The following EYS variants were observed in gnomAD, a reference collection of about 807,000 sequenced individuals.
EYS encodes the protein EGF-like photoreceptor maintenance factor, also known as protein eyes shut homolog.
In EYS, 250 loss-of-function variants were observed where a neutral mutation model predicts 282.1. That is an observed-to-expected ratio of 0.89 (90% confidence interval 0.80 to 0.98). EYS has a LOEUF of 0.98. Ranked by LOEUF, EYS falls within the 50% of genes least tolerant of loss-of-function variation. The pLI, the probability that EYS is intolerant of heterozygous loss-of-function variation, is 0.00. For synonymous variants in EYS, 1,355 were observed against 1,282.9 expected, an observed-to-expected ratio of 1.06 and a Z score of -1.20; for missense variants, 4,016 against 3,709.0, an observed-to-expected ratio of 1.08 and a Z score of -2.15.
chr6:63,849,513 T>G (rs1313381416), intron 36 of EYS, among the ~76,000 whole-genome samples: 1 of 152,168 alleles, frequency 6.6e-6, no homozygotes, highest in Non-Finnish European at 1.5e-5. Flanking sequence ...CAGACTCCAC[T>G]GGTGATACCC....
chr6:64,116,828 A>C (rs538876796), intron 31 of EYS, among the ~76,000 whole-genome samples: 38 of 152,262 alleles, frequency 2.5e-4, no homozygotes, highest in African/African-American at 8.9e-4. Context: ...GAGACAAAGA[A>C]GGTCATTGTA....
rs114570126 is a variant in EYS, at chr6:65,470,814, C to T, written c.862+19780G>A. ...CCAAGAAGAGAAATTGTTACCTACA[C>T]GCCAAAGTCACTTAAGAAGATGGAT... On this transcript the variant is annotated intron_variant, in intron 5 of 42. Transcript: ENST00000503581. Among the ~76,000 whole-genome samples the T allele has an allele frequency of 8.1e-3, 1,236 of 152,098 alleles. 15 individuals carry two copies. Among genetic ancestry groups the T allele is most frequent in the African/African-American group, 0.027 (1,140 of 41,466 alleles).
At chr6:65,451,338 A>C (rs185568712) in intron 5 of EYS, among the ~76,000 whole-genome samples, 1 of 152,156 alleles carries the variant, frequency 6.6e-6, no homozygotes, top group Admixed American at 6.6e-5. Flanking sequence ...CCTCACACAC[A>C]ATTTTGACCA....
At chr6:64,548,578 A>T (rs1489068040) in intron 26 of EYS, among the ~76,000 whole-genome samples, 1 of 152,122 alleles carries the variant, frequency 6.6e-6, no homozygotes, top group Non-Finnish European at 1.5e-5. Flanking sequence ...AATCACAAGG[A>T]CAAAAAACCA....
intron 29 of EYS, among the ~76,000 whole-genome samples, chr6:64,346,089 T>C (rs1325303407): frequency 2.0e-5 from 3 of 152,006 alleles, no homozygotes; most frequent in African/African-American, 7.2e-5. Flanking sequence ...TAGGAACACT[T>C]GTACACTGTT....
chr6:65,562,532 A>T (rs1769105961), intron 2 of EYS, among the ~76,000 whole-genome samples: 1 of 152,082 alleles, frequency 6.6e-6, no homozygotes, highest in Non-Finnish European at 1.5e-5. Context: ...TTTAATAAAC[A>T]TAGGTATCTT....
intron 2 of EYS, among the ~76,000 whole-genome samples, chr6:65,536,575 C>A (rs1189993822): frequency 1.3e-5 from 2 of 152,000 alleles, no homozygotes; most frequent in African/African-American, 4.8e-5. Context: ...GGTTTTAATG[C>A]TATAGTGCAC....
At chr6:65,602,874 AAT>A (rs1765660454) in intron 2 of EYS, among the ~76,000 whole-genome samples, 1 of 151,918 alleles carries the variant, frequency 6.6e-6, no homozygotes, top group Non-Finnish European at 1.5e-5. Flanking sequence ...AGACAGTTTT[AAT>A]TTACATTTGT....
At chr6:64,283,168 G>T (rs990437974) in intron 30 of EYS, among the ~76,000 whole-genome samples, 1 of 152,044 alleles carries the variant, frequency 6.6e-6, no homozygotes, top group Non-Finnish European at 1.5e-5. Flanking sequence ...TTCTTTGCCT[G>T]AAATATTCCC....
At chr6:65,294,076 C>G (rs536024892) in intron 12 of EYS, among the ~76,000 whole-genome samples, 2 of 151,140 alleles carry the variant, frequency 1.3e-5, no homozygotes, top group South Asian at 4.2e-4. Context: ...GGGAGAGAAA[C>G]CAGGTGGAAA....
intron 12 of EYS, among the ~76,000 whole-genome samples, chr6:65,150,422 T>C (rs530073824): frequency 6.6e-6 from 1 of 152,146 alleles, no homozygotes; most frequent in East Asian, 1.9e-4. Context: ...CTATGCCCAA[T>C]TACATCCACA....
intron 24 of EYS, among the ~76,000 whole-genome samples, 172 bp downstream of exon 24, chr6:64,617,246 G>A (rs778589510): frequency 1.3e-5 from 2 of 152,042 alleles, no homozygotes; most frequent in Admixed American, 6.6e-5. Context: ...AGTGATGCAC[G>A]GACAACAAGG....
chr6:64,280,869 T>C (rs1768283859), intron 30 of EYS, among the ~76,000 whole-genome samples: 1 of 152,112 alleles, frequency 6.6e-6, no homozygotes, highest in Admixed American at 6.6e-5. Context: ...AAAAAGCACA[T>C]AAACTATTTA....
chr6:63,726,633 T>G lies in EYS; in HGVS notation c.8119A>C (p.Met2707Leu). 1 of 1,551,274 alleles carries G rather than the reference T, an allele frequency of 6.4e-7. No homozygotes were observed. Among genetic ancestry groups the G allele is most frequent in the Non-Finnish European group, 8.7e-7 (1 of 1,146,726 alleles). Residue 2707 changes from methionine (M) to leucine (L), a missense_variant, in exon 42 of 43, where the codon ATG becomes CTG. By Grantham distance (15) the Met-to-Leu change is conservative (BLOSUM62 2). Transcript: ENST00000503581. Reference protein sequence around the residue: ...PSFRSNELSWMSFASFHVRKK... With the variant: ...PSFRSNELSWLSFASFHVRKK... ...CGAACATGAAAGGAAGCAAAAGACA[T>G]CCAGGATAACTCATTGCTTCTGAAA...
Position 65,235,754 on chromosome 6 carries a change from A to G in EYS, c.2023+60109T>C, listed in dbSNP as rs181952362. Among the ~76,000 whole-genome samples, 25 of 152,176 alleles carry G rather than the reference A, an allele frequency of 1.6e-4. 1 individual carries two copies. The highest frequency in any genetic ancestry group is 6.0e-4 in the African/African-American group (25 of 41,554). On this transcript the variant is annotated intron_variant, in intron 12 of 42. Coordinates refer to ENST00000503581, the MANE Select transcript of EYS (RefSeq NM_001142800.2). ...TTTTGAATTATGTGTGCACCTCTTA[A>G]GTAACAAAGCAAAATATATACATTG...
In EYS at chr6:64,218,176, T is replaced by C. The variant is rs546341923; in HGVS notation, c.6424+12416A>G. On this transcript the variant is annotated intron_variant, in intron 31 of 42. Transcript: ENST00000503581. Reference sequence around the variant, plus strand: ...TGACCCCAGTTCCCCTGCCCCTCCATTGAAATGCCTACCTGAGAAAGCTCA... The same window carrying C: ...TGACCCCAGTTCCCCTGCCCCTCCACTGAAATGCCTACCTGAGAAAGCTCA... 3.3e-5 allele frequency among the ~76,000 whole-genome samples: 5 copies of C among 152,256 alleles called. 1 individual carries two copies. In the East Asian group the frequency reaches 5.8e-4, roughly 18 times the overall value.
At chr6:64,218,272 A>G (rs1765993508) in intron 31 of EYS, among the ~76,000 whole-genome samples, 1 of 152,028 alleles carries the variant, frequency 6.6e-6, no homozygotes, top group African/African-American at 2.4e-5. Flanking sequence ...TTCTTGGAGG[A>G]TTTACTAAAA....
In EYS at chr6:64,328,341, G is replaced by T. The variant is rs527895087; in HGVS notation, c.6079-21259C>A. ...TGCACAACAAGCACTCCCAATAGAGGCTGACACAGGCTGGGACCCTAACCA... is the reference window on the plus strand; with the variant it reads ...TGCACAACAAGCACTCCCAATAGAGTCTGACACAGGCTGGGACCCTAACCA... On this transcript the variant is annotated intron_variant, in intron 29 of 42. Transcript: ENST00000503581. Among the ~76,000 whole-genome samples, 106 of 152,282 alleles carry T rather than the reference G, an allele frequency of 7.0e-4. 3 individuals are homozygous for T. In the South Asian group the frequency reaches 0.02, roughly 29 times the overall value.
In EYS at chr6:64,815,209, G is replaced by T. The variant is rs115473592; in HGVS notation, c.3244-1632C>A. The T allele has an allele frequency of 2.4e-3, 1,081 of 452,946 alleles. 16 individuals carry two copies. Among genetic ancestry groups the T allele is most frequent in the African/African-American group, 0.02 (1,020 of 50,084 alleles). 28.1% of individuals were successfully genotyped at this position (452,946 alleles called of 1,614,324 possible). On this transcript the variant is annotated intron_variant, in intron 21 of 42. Transcript: ENST00000503581. ...TTTATAAACAAATCCTTTGATATTT[G>T]TTCCACTTTTGCTGAAAACGTGAAC...
Sources: gnomAD v4.1 joint callset for allele counts (sites outside exome capture counted in the v4.1 genomes callset) on GRCh38, gnomAD v4.1.1 for gene constraint, MANE v1.5 for transcripts, NCBI Gene and HGNC (gene_info 2026-07-23, HGNC 2026-07-21) for gene names.